TENT5D: variants seen among roughly 807,000 people sequenced by gnomAD.
The protein encoded by TENT5D is cancer/testis antigen 112.
For missense variants in TENT5D, 191 were observed against 287.0 expected, an observed-to-expected ratio of 0.67 and a Z score of 2.42; for synonymous variants, 103 against 100.6, an observed-to-expected ratio of 1.02 and a Z score of -0.15.
chrX:80,423,761 A>G (rs1435452966), intron 1 of TENT5D, among the ~76,000 whole-genome samples: 1 of 110,969 alleles, frequency 9.0e-6, no homozygotes, highest in East Asian at 2.8e-4. Context: ...GTACATGCCC[A>G]CATAAGGAGA....
intron 3 of TENT5D, among the ~76,000 whole-genome samples, chrX:80,414,460 T>A (rs1207158148): frequency 8.9e-6 from 1 of 111,812 alleles, no homozygotes; most frequent in Non-Finnish European, 1.9e-5. Flanking sequence ...GTTAAGGACG[T>A]GCCCGCAACA....
intron 2 of TENT5D, among the ~76,000 whole-genome samples, chrX:80,440,440 C>G (rs1282527203): frequency 9.0e-6 from 1 of 110,731 alleles, no homozygotes; most frequent in Non-Finnish European, 1.9e-5. Flanking sequence ...ATCTCTTGAT[C>G]AAGGACTTCT....
At chrX:80,441,959 C>T (rs1932290795) in intron 2 of TENT5D, among the ~76,000 whole-genome samples, 1 of 110,997 alleles carries the variant, frequency 9.0e-6, no homozygotes, top group South Asian at 3.7e-4. Flanking sequence ...GGAGCTCATA[C>T]TCTAACAGAA....
At chrX:80,423,471 C>T (rs1021763435) in intron 1 of TENT5D, among the ~76,000 whole-genome samples, 105 of 110,820 alleles carry the variant, frequency 9.5e-4, no homozygotes, top group Middle Eastern at 9.2e-3. Flanking sequence ...TTTTATGGAC[C>T]GGGATGGGAA....
At chrX:80,375,284 G>C (rs141902342) in intron 3 of TENT5D, among the ~76,000 whole-genome samples, 129 of 111,148 alleles carry the variant, frequency 1.2e-3, no homozygotes, top group Admixed American at 2.1e-3. Context: ...CTCATTTTCT[G>C]TGCAGTTAAT....
intron 2 of TENT5D, among the ~76,000 whole-genome samples, chrX:80,441,318 G>T (rs1299569029): frequency 9.0e-6 from 1 of 110,982 alleles, no homozygotes; most frequent in South Asian, 3.8e-4. Flanking sequence ...TGCTTAATAG[G>T]CCTTTTGCAA....
intron 3 of TENT5D, among the ~76,000 whole-genome samples, chrX:80,378,711 G>A (rs915884454): frequency 2.7e-5 from 3 of 111,257 alleles, no homozygotes; most frequent in African/African-American, 9.8e-5. Flanking sequence ...GTCAGGTAGC[G>A]TGATGCCTCC....
chrX:80,387,851 G>C (rs1273606305), intron 3 of TENT5D, among the ~76,000 whole-genome samples: 1 of 111,466 alleles, frequency 9.0e-6, no homozygotes, highest in Non-Finnish European at 1.9e-5. Context: ...ATATTCCCCA[G>C]GCAGGTCCAG....
chrX:80,345,154 C>T (rs1354765968), intron 3 of TENT5D, among the ~76,000 whole-genome samples: 4 of 111,663 alleles, frequency 3.6e-5, no homozygotes, highest in Non-Finnish European at 5.7e-5. Context: ...GTTTTTTATT[C>T]TTGTTACCTC....
intron 3 of TENT5D, among the ~76,000 whole-genome samples, chrX:80,377,106 G>A (rs1158159542): frequency 1.8e-5 from 2 of 110,845 alleles, no homozygotes; most frequent in African/African-American, 3.3e-5. Context: ...TTAAAGGGTA[G>A]GATTATTACA....
chrX:80,423,348 G>A (rs745525034), intron 1 of TENT5D, among the ~76,000 whole-genome samples: 3 of 111,492 alleles, frequency 2.7e-5, no homozygotes, highest in Admixed American at 1.9e-4. Context: ...ATTAAGGAGC[G>A]TGGACACAAG....
chrX:80,402,464 T>A (rs11796359), intron 3 of TENT5D, among the ~76,000 whole-genome samples: 1 of 111,564 alleles, frequency 9.0e-6, no homozygotes, highest in African/African-American at 3.2e-5. Flanking sequence ...TTATTTTTTC[T>A]ATTTCATTAA....
At chrX:80,398,981 T>C (rs1233099652) in intron 3 of TENT5D, among the ~76,000 whole-genome samples, 2 of 112,194 alleles carry the variant, frequency 1.8e-5, no homozygotes, top group Non-Finnish European at 3.8e-5. Context: ...CATTCTATAG[T>C]GTTAAGTTCC....
In TENT5D at chrX:80,392,199, A is replaced by C. The variant is rs188682032; in HGVS notation, c.-141-46411A>C. ...CGCTTGGTAAGAGCTTGGCAAGTTT[A>C]GTGTCCTTTACTTTTCAGCTCTTTG... On this transcript the variant is annotated intron_variant, in intron 3 of 4. Coordinates refer to the TENT5D transcript ENST00000538312. Among the ~76,000 whole-genome samples, 271 of 111,641 alleles carry C rather than the reference A, an allele frequency of 2.4e-3. 1 individual carries two copies. Among genetic ancestry groups the C allele is most frequent in the African/African-American group, 8.0e-3 (245 of 30,766 alleles).
intron 1 of TENT5D, among the ~76,000 whole-genome samples, chrX:80,436,460 T>C (rs1014181118): frequency 2.7e-5 from 3 of 110,738 alleles, no homozygotes; most frequent in Non-Finnish European, 5.7e-5. Context: ...GTTACATAGG[T>C]ATACACGTGC....
intron 2 of TENT5D, among the ~76,000 whole-genome samples, chrX:80,441,271 G>A (rs1273961212): frequency 9.0e-6 from 1 of 111,129 alleles, no homozygotes; most frequent in Admixed American, 9.6e-5. Flanking sequence ...AACAGAATAG[G>A]TTTAATTTTT....
intron 2 of TENT5D, among the ~76,000 whole-genome samples, chrX:80,339,419 G>A (rs1350389475): frequency 2.7e-5 from 3 of 111,171 alleles, no homozygotes; most frequent in African/African-American, 9.8e-5. Context: ...TTTTCCCCCT[G>A]GGCAAGCAGA....
At chrX:80,440,411 A>G (rs886316992) in intron 2 of TENT5D, among the ~76,000 whole-genome samples, 1 of 110,282 alleles carries the variant, frequency 9.1e-6, no homozygotes, top group African/African-American at 3.3e-5. Context: ...AGGGCTTCCA[A>G]TTTCTTGGTT....
chrX:80,353,961 T>TA (rs1031163826), intron 3 of TENT5D, among the ~76,000 whole-genome samples: 1 of 111,903 alleles, frequency 8.9e-6, no homozygotes, highest in African/African-American at 3.2e-5. Context: ...TATTTTTTTT[T>TA]ACTTTTGAAC....
Sources: allele counts gnomAD v4.1 joint callset (sites outside exome capture counted in the v4.1 genomes callset), GRCh38; gene constraint gnomAD v4.1.1; transcripts MANE v1.5; gene names NCBI Gene and HGNC (gene_info 2026-07-23, HGNC 2026-07-21).